The following NELL1 variants were observed in gnomAD, a reference collection of about 807,000 sequenced individuals.
The protein encoded by NELL1 is protein kinase C-binding protein NELL1.
A neutral mutation model predicts 107.4 loss-of-function variants in NELL1; 76 were observed. That is an observed-to-expected ratio of 0.71 (90% CI 0.59 to 0.86). The LOEUF is 0.86. NELL1 is among the 40% of genes least tolerant of loss of function. NELL1 has a pLI of 0.00. For missense variants in NELL1, 1,024 were observed against 1,005.5 expected, an observed-to-expected ratio of 1.02 and a Z score of -0.25; for synonymous variants, 353 against 341.2, an observed-to-expected ratio of 1.03 and a Z score of -0.38.
intron 12 of NELL1, among the ~76,000 whole-genome samples, chr11:21,053,106 T>A (rs1340074429): frequency 6.6e-6 from 1 of 152,154 alleles, no homozygotes; most frequent in African/African-American, 2.4e-5. Flanking sequence ...GGAACTGGTC[T>A]GTGTTAGGAT....
At chr11:21,285,494 C>G (rs1420633640) in intron 14 of NELL1, among the ~76,000 whole-genome samples, 1 of 152,222 alleles carries the variant, frequency 6.6e-6, no homozygotes, top group Non-Finnish European at 1.5e-5. Flanking sequence ...TGCTTCCACT[C>G]CTTCCTAGAT....
At chr11:20,673,594 T>G (rs1284240997) in intron 1 of NELL1, among the ~76,000 whole-genome samples, 1 of 152,208 alleles carries the variant, frequency 6.6e-6, no homozygotes, top group South Asian at 2.1e-4. Context: ...ATAGCAGCAG[T>G]AGCAGCAGGT....
intron 12 of NELL1, among the ~76,000 whole-genome samples, chr11:21,072,546 A>C (rs140325302): frequency 2.4e-4 from 37 of 152,310 alleles, no homozygotes; most frequent in African/African-American, 8.4e-4. Context: ...TCTATGAGGA[A>C]TATAGCACAG....
At chr11:20,814,601 C>G (rs116085052) in intron 3 of NELL1, among the ~76,000 whole-genome samples, 151 of 152,322 alleles carry the variant, frequency 9.9e-4, no homozygotes, top group African/African-American at 3.5e-3. Flanking sequence ...CCTTCAGCTA[C>G]GTCCATGTTG....
At chr11:21,430,686 TCA>T (rs1465094048) in intron 15 of NELL1, among the ~76,000 whole-genome samples, 1 of 152,102 alleles carries the variant, frequency 6.6e-6, no homozygotes. Flanking sequence ...TGAGATGGAT[TCA>T]CCACTCAGGC....
At chr11:21,354,158 G>C (rs953897982) in intron 14 of NELL1, among the ~76,000 whole-genome samples, 3 of 152,140 alleles carry the variant, frequency 2.0e-5, no homozygotes, top group African/African-American at 7.2e-5. Context: ...TGGCATATGT[G>C]AGATTTGTGC....
chr11:20,816,573 G>T (rs1391040438), intron 3 of NELL1, among the ~76,000 whole-genome samples: 1 of 152,036 alleles, frequency 6.6e-6, no homozygotes, highest in African/African-American at 2.4e-5. Flanking sequence ...TCTAGGTATG[G>T]AATCGTGTTG....
At chr11:21,346,268 C>T (rs1177440301) in intron 14 of NELL1, among the ~76,000 whole-genome samples, 2 of 152,092 alleles carry the variant, frequency 1.3e-5, no homozygotes, top group African/African-American at 4.8e-5. Flanking sequence ...ATGGCCACTG[C>T]TGGGTCCAGA....
intron 19 of NELL1, among the ~76,000 whole-genome samples, chr11:21,574,468 A>C (rs1289912654): frequency 6.6e-6 from 1 of 151,816 alleles, no homozygotes; most frequent in Non-Finnish European, 1.5e-5. Flanking sequence ...TTTTTAATGA[A>C]TTTATAAGTA....
At chr11:21,486,766 G>A (rs1484207196) in intron 15 of NELL1, among the ~76,000 whole-genome samples, 4 of 151,878 alleles carry the variant, frequency 2.6e-5, no homozygotes, top group East Asian at 3.9e-4. Context: ...ATTACCAAAG[G>A]GATGGATATT....
At chr11:21,549,382 A>G (rs540369515) in intron 16 of NELL1, among the ~76,000 whole-genome samples, 1 of 152,072 alleles carries the variant, frequency 6.6e-6, no homozygotes, top group South Asian at 2.1e-4. Context: ...ATAACTCAAT[A>G]AAAGTACCTA....
rs147918943 is a variant in NELL1 at position 20,891,185 on chromosome 11, A to G, written c.603+5645A>G. Among the ~76,000 whole-genome samples the G allele has an allele frequency of 1.7e-3, 266 of 152,344 alleles. 1 individual carries two copies. Among genetic ancestry groups the G allele is most frequent in the African/African-American group, 6.2e-3 (256 of 41,580 alleles). On this transcript the variant is annotated intron_variant, in intron 5 of 19. Transcript: ENST00000357134. ...CCTCTTAGCAGAAACTCTGTAAGCC[A>G]GAAGAGATTGGGGGCCAATATTCAA...
intron 15 of NELL1, among the ~76,000 whole-genome samples, chr11:21,414,064 G>A (rs1402757455): frequency 6.6e-6 from 1 of 151,980 alleles, no homozygotes. Flanking sequence ...TAAAGACTAG[G>A]GAGAAAGGAA....
chr11:21,465,662 T>G (rs558654111), intron 15 of NELL1, among the ~76,000 whole-genome samples: 1 of 152,234 alleles, frequency 6.6e-6, no homozygotes, highest in African/African-American at 2.4e-5. Context: ...ACAGACAAGT[T>G]ATTTTCTGAA....
intron 15 of NELL1, among the ~76,000 whole-genome samples, chr11:21,497,319 T>A (rs1855008519): frequency 6.6e-6 from 1 of 152,018 alleles, no homozygotes; most frequent in African/African-American, 2.4e-5. Context: ...CAAAAAATAT[T>A]TTTAAAAAAA....
At chr11:20,696,430 T>C (rs1387716498) in intron 2 of NELL1, among the ~76,000 whole-genome samples, 1 of 152,160 alleles carries the variant, frequency 6.6e-6, no homozygotes, top group Non-Finnish European at 1.5e-5. Flanking sequence ...TCTTTCTAAC[T>C]TTTTAAGGTA....
Position 21,535,972 on chromosome 11 carries a change from G to A in NELL1, c.1786+1458G>A, listed in dbSNP as rs547872629. On this transcript the variant is annotated intron_variant, in intron 16 of 19. Coordinates refer to ENST00000357134, the MANE Select transcript of NELL1 (RefSeq NM_006157.5). ...GAATGAAAATGGAATATTAACATAT[G>A]ACATTAAGCATGGTGGCTAAAAGAA... is the stretch of plus-strand genomic sequence containing the variant. Among the ~76,000 whole-genome samples the A allele has an allele frequency of 1.7e-3, 262 of 152,254 alleles. 1 individual carries two copies. Among genetic ancestry groups the A allele is most frequent in the Middle Eastern group, 3.4e-3 (1 of 292 alleles).
intron 15 of NELL1, among the ~76,000 whole-genome samples, chr11:21,431,584 A>G (rs1269053983): frequency 6.6e-6 from 1 of 152,208 alleles, no homozygotes; most frequent in African/African-American, 2.4e-5. Flanking sequence ...TAGATTTGCC[A>G]TGATAAGGTT....
chr11:21,354,892 C>T (rs985621340), intron 14 of NELL1, among the ~76,000 whole-genome samples: 9 of 152,220 alleles, frequency 5.9e-5, no homozygotes, highest in Admixed American at 2.6e-4. Context: ...CTAATATAAG[C>T]GTTGGCTCTG....
Sources: allele counts gnomAD v4.1 joint callset (sites outside exome capture counted in the v4.1 genomes callset), GRCh38; gene constraint gnomAD v4.1.1; transcripts MANE v1.5; gene names NCBI Gene and HGNC (gene_info 2026-07-23, HGNC 2026-07-21).